SOS2: variants seen among roughly 807,000 people sequenced by gnomAD.
SOS2 encodes the protein SOS Ras/Rho guanine nucleotide exchange factor 2, also known as son of sevenless homolog 2.
Under a neutral mutation model 148.2 loss-of-function variants are expected in SOS2, and 65 were observed. That is an observed-to-expected ratio of 0.44 (90% CI 0.36 to 0.54). The LOEUF (loss-of-function observed/expected upper bound fraction) is 0.54, where lower values mean the gene tolerates loss of function less well. SOS2 is among the 20% of genes least tolerant of loss of function. The pLI, the probability that SOS2 is intolerant of heterozygous loss-of-function variation, is 0.00. For synonymous variants in SOS2, 539 were observed against 537.1 expected (o/e 1.00, Z -0.05); for missense variants, 1,341 against 1,590.2 (o/e 0.84, Z 2.67).
chr14:50,229,275 C>A (rs1887467067), intron 1 of SOS2, among the ~76,000 whole-genome samples: 1 of 152,122 alleles, frequency 6.6e-6, no homozygotes, highest in South Asian at 2.1e-4. Context: ...TATTTCAATT[C>A]TATCACAACA....
In SOS2 at chr14:50,118,338, C is replaced by G; in HGVS notation, c.*6G>C. On this transcript the variant is annotated 3_prime_UTR_variant, in exon 23 of 23. Coordinates refer to ENST00000216373, the MANE Select transcript of SOS2 (RefSeq NM_006939.4). ...TTCCAGTGTCAATGACTACATATGGCTAAGGTCATTGGGGAGTTTCTGCAT... is the reference window on the plus strand; with the variant it reads ...TTCCAGTGTCAATGACTACATATGGGTAAGGTCATTGGGGAGTTTCTGCAT... 1 of 1,609,822 alleles carries G rather than the reference C, an allele frequency of 6.2e-7. No homozygotes were observed. Among genetic ancestry groups the G allele is most frequent in the Non-Finnish European group, 8.5e-7 (1 of 1,177,086 alleles).
chr14:50,210,689 G>GA (rs34764427), intron 1 of SOS2, among the ~76,000 whole-genome samples: 34,276 of 151,038 alleles, frequency 0.23, 4,431 homozygotes, highest in East Asian at 0.47. Flanking sequence ...AATTCAGTAA[G>GA]AAAAAAAATG....
At chr14:50,127,410 G>A (rs1839686853) in intron 21 of SOS2, among the ~76,000 whole-genome samples, 1 of 152,060 alleles carries the variant, frequency 6.6e-6, no homozygotes, top group Non-Finnish European at 1.5e-5. Context: ...CCAAAGTGCT[G>A]GGATTACAGT....
intron 5 of SOS2, among the ~76,000 whole-genome samples, chr14:50,185,512 C>T (rs1279138054): frequency 5.9e-5 from 9 of 151,756 alleles, no homozygotes; most frequent in Non-Finnish European, 1.0e-4. Flanking sequence ...GCCAACATGG[C>T]GAAACCCCGT....
chr14:50,185,905 A>T (rs1198541754), intron 5 of SOS2, among the ~76,000 whole-genome samples: 1 of 152,154 alleles, frequency 6.6e-6, no homozygotes, highest in Admixed American at 6.6e-5. Context: ...TTTACAAATG[A>T]GGAAACAGAG....
intron 5 of SOS2, among the ~76,000 whole-genome samples, chr14:50,185,521 G>A (rs1287832797): frequency 4.0e-5 from 6 of 151,870 alleles, no homozygotes; most frequent in South Asian, 4.2e-4. Context: ...GCGAAACCCC[G>A]TTTCTACCAA....
intron 5 of SOS2, 55 bp downstream of exon 5, chr14:50,188,442 A>G (rs1442116507): frequency 1.7e-6 from 2 of 1,156,346 alleles, no homozygotes; most frequent in Admixed American, 2.0e-5. Context: ...TTATGATTTT[A>G]AGCTGGTCTG....
intron 18 of SOS2, among the ~76,000 whole-genome samples, chr14:50,138,087 C>T (rs1884142817): frequency 1.3e-5 from 2 of 151,988 alleles, no homozygotes; most frequent in Non-Finnish European, 2.9e-5. Context: ...GTGGTCCTCC[C>T]GCCTCAGCCT....
intron 1 of SOS2, among the ~76,000 whole-genome samples, chr14:50,207,951 T>C (rs181333915): frequency 1.2e-4 from 18 of 148,930 alleles, no homozygotes; most frequent in Admixed American, 4.0e-4. Context: ...ACCATCCCAA[T>C]ATATATGTAA....
intron 1 of SOS2, among the ~76,000 whole-genome samples, chr14:50,226,953 A>G (rs1887396919): frequency 6.6e-6 from 1 of 152,190 alleles, no homozygotes; most frequent in African/African-American, 2.4e-5. Context: ...TTTTTCCCCA[A>G]GTAACACAAT....
chr14:50,155,833 G>T (rs181851755), intron 12 of SOS2: 1 of 151,692 alleles, frequency 6.6e-6, no homozygotes, highest in East Asian at 1.9e-4. Flanking sequence ...CCTCATAAAT[G>T]TATGTGTCAT....
intron 8 of SOS2, among the ~76,000 whole-genome samples, chr14:50,163,554 C>T (rs1351655655): frequency 1.3e-5 from 2 of 152,030 alleles, no homozygotes; most frequent in Non-Finnish European, 2.9e-5. Context: ...GAAGTAATAC[C>T]TTAATCTCTA....
intron 4 of SOS2, among the ~76,000 whole-genome samples, chr14:50,189,033 C>T (rs972447685): frequency 1.3e-5 from 2 of 149,488 alleles, no homozygotes; most frequent in Non-Finnish European, 3.0e-5. Context: ...CCACTGCACT[C>T]CAGCCTGGGC....
chr14:50,146,936 T>C (rs1306164365), intron 14 of SOS2, among the ~76,000 whole-genome samples: 1 of 152,054 alleles, frequency 6.6e-6, no homozygotes, highest in Non-Finnish European at 1.5e-5. Context: ...GGTGCGCACC[T>C]ATAATCCCAG....
At chr14:50,157,598 TA>T (rs1323175461) in intron 11 of SOS2, among the ~76,000 whole-genome samples, 1 of 152,158 alleles carries the variant, frequency 6.6e-6, no homozygotes, top group Non-Finnish European at 1.5e-5. Context: ...GAAATACAGC[TA>T]AACTATAAGT....
At chr14:50,189,325 T>A (rs75192289) in intron 4 of SOS2, among the ~76,000 whole-genome samples, 20 of 4,018 alleles carry the variant, frequency 5.0e-3, no homozygotes, top group East Asian at 0.015. Flanking sequence ...CACACACACA[T>A]AATAGCAAAA....
At chr14:50,158,422 G>C (rs1259653431) in intron 11 of SOS2, 143 bp downstream of exon 11, 1 of 536,968 alleles carries the variant, frequency 1.9e-6, no homozygotes, top group Non-Finnish European at 3.4e-6. Flanking sequence ...TCCATTTGAA[G>C]AGAATAGTAA....
intron 21 of SOS2, among the ~76,000 whole-genome samples, chr14:50,123,122 C>T (rs2139483817): frequency 6.6e-6 from 1 of 152,212 alleles, no homozygotes; most frequent in East Asian, 1.9e-4. Context: ...TTAGGGAAGG[C>T]TTCACTAAGG....
chr14:50,205,992 C>T (rs557441114), intron 1 of SOS2, among the ~76,000 whole-genome samples: 1 of 148,424 alleles, frequency 6.7e-6, no homozygotes, highest in African/African-American at 2.5e-5. Flanking sequence ...AAAATCCCTT[C>T]TTTCATTTCT....
Sources: gnomAD v4.1 joint callset for allele counts (sites outside exome capture counted in the v4.1 genomes callset) on GRCh38, gnomAD v4.1.1 for gene constraint, MANE v1.5 for transcripts, NCBI Gene and HGNC (gene_info 2026-07-23, HGNC 2026-07-21) for gene names.